Variants in PICK1 observed in about 807,000 individuals in gnomAD.
The protein encoded by PICK1 is PRKCA-binding protein.
Under a neutral mutation model 48.9 loss-of-function variants are expected in PICK1, and 23 were observed. The ratio of observed to expected loss-of-function variants is 0.47; its 90% CI spans 0.34 to 0.67. PICK1 has a LOEUF of 0.67. Ranked by LOEUF, PICK1 falls within the 30% of genes least tolerant of loss-of-function variation. The pLI, the probability that PICK1 is intolerant of heterozygous loss-of-function variation, is 0.01. For missense variants in PICK1, 423 were observed against 557.1 expected, an observed-to-expected ratio of 0.76 and a Z score of 2.42; for synonymous variants, 217 against 228.2, an observed-to-expected ratio of 0.95 and a Z score of 0.44.
intron 8 of PICK1, 25 bp from the exon 9 acceptor site, chr22:38,072,452 C>T (rs1215135140): frequency 2.5e-6 from 4 of 1,608,232 alleles, no homozygotes; most frequent in Non-Finnish European, 3.4e-6. Context: ...GTAGGGGCAG[C>T]CTTCAAGGCA....
In PICK1 at chr22:38,069,072, G is replaced by C. The variant is rs1172240986; in HGVS notation, c.389G>C (p.Ser130Thr). 1 of 1,613,242 alleles carries C rather than the reference G, an allele frequency of 6.2e-7. No individual in the cohort carries two copies. Among genetic ancestry groups the C allele is most frequent in the South Asian group, 1.1e-5 (1 of 90,856 alleles). The change falls in exon 6 of 13, where the codon AGT becomes ACT. Residue 130 changes from serine (S) to threonine (T), a missense_variant. By Grantham distance (58) the Ser-to-Thr change is moderately conservative (BLOSUM62 1). Around this residue, in one of 2 missense-constraint regions of PICK1, gnomAD observed 279 missense variants for 417.8 expected, o/e 0.67. Coordinates refer to ENST00000356976, the MANE Select transcript of PICK1 (RefSeq NM_012407.4). ...KVKHRLVENM[S>T]SGTADALGLS... ...AAGCACCGGCTGGTGGAGAACATGA[G>C]TTCAGGGACCGCAGATGCTCTGGGC...
In PICK1 at chr22:38,074,148, T is replaced by C; in HGVS notation, c.835-159T>C. ...ATTGAATGTGGCAGAGGTTTGGGTT[T>C]GGTTTTTTCCTCTCTTCAAAGCTAT... On this transcript the variant is annotated intron_variant, in intron 11 of 12. Coordinates refer to ENST00000356976, the MANE Select transcript of PICK1 (RefSeq NM_012407.4). This position sits in a 1 kb window ranked among gnomAD's most constrained non-coding sequence, Gnocchi z 4.5. 2.4e-6 allele frequency: 2 copies of C among 828,642 alleles called. No individual in the cohort carries two copies. Among genetic ancestry groups the C allele is most frequent in the Non-Finnish European group, 3.8e-6 (2 of 530,158 alleles). The allele number at this position is 828,642 out of a possible 1,614,324, so 51.3% of individuals were successfully genotyped here.
chr22:38,065,227 C>T, intron 4 of PICK1, 97 bp downstream of exon 4: 1 of 1,213,876 alleles, frequency 8.2e-7, no homozygotes, highest in Non-Finnish European at 1.2e-6. Context: ...AAGGGGGTAT[C>T]AGCCCTCACC....
Position 38,066,575 on chromosome 22 carries a change from A to C in PICK1, c.283-1129A>C, listed in dbSNP as rs1251947579. On this transcript the variant is annotated intron_variant, in intron 4 of 12. Coordinates refer to ENST00000356976, the MANE Select transcript of PICK1 (RefSeq NM_012407.4). The surrounding 1 kb of genome is among the most constrained non-coding windows in gnomAD (Gnocchi z 4.1). ...GACCTGCTTGTGGTCACACAGCTGA[A>C]CTGGAGCCCGGGCCCGACTCCCACT... 6.6e-6 allele frequency among the ~76,000 whole-genome samples: 1 copy of C among 152,174 alleles called. No individual in the cohort carries two copies. Among genetic ancestry groups the C allele is most frequent in the Admixed American group, 6.5e-5 (1 of 15,280 alleles).
At chr22:38,068,946 G>A in intron 5 of PICK1, 87 bp from the exon 6 acceptor site, 2 of 1,092,324 alleles carry the variant, frequency 1.8e-6, no homozygotes, top group Non-Finnish European at 2.8e-6. Flanking sequence ...CCCCTGTGGG[G>A]TGCTCCCTGT....
intron 9 of PICK1, 127 bp from the exon 10 acceptor site, chr22:38,072,873 G>T (rs2085736097): frequency 1.2e-6 from 1 of 839,282 alleles, no homozygotes; most frequent in South Asian, 1.3e-5. Flanking sequence ...GAGGGACAAG[G>T]CATCAGGGAG....
intron 3 of PICK1, among the ~76,000 whole-genome samples, 155 bp downstream of exon 3, chr22:38,059,500 G>T (rs1367321246): frequency 6.6e-6 from 1 of 152,190 alleles, no homozygotes; most frequent in Non-Finnish European, 1.5e-5. Flanking sequence ...GCGTTGCTCT[G>T]CCCTGTCTTC....
At position 38,074,978 on chromosome 22, in the gene PICK1, C is replaced by T. The variant is rs779602161; in HGVS notation, c.1094C>T (p.Ala365Val). ...ADVFPIEVDL[A>V]HTTLAYGLNQ... ...GTCTTCCCCATCGAGGTAGACCTGG[C>T]GCACACCACATTGGCCTATGGCCTC... is the stretch of plus-strand genomic sequence containing the variant. The change falls in exon 13 of 13, where the codon GCG (alanine) becomes GTG (valine). Residue 365 changes from alanine to valine, a missense_variant. By Grantham distance (64) the Ala-to-Val change is moderately conservative (BLOSUM62 0). Around this residue, in one of 2 missense-constraint regions of PICK1, gnomAD observed 144 missense variants for 139.3 expected, o/e 1.03. Transcript: ENST00000356976. This position sits in a 1 kb window ranked among gnomAD's most constrained non-coding sequence, Gnocchi z 4.5. 6.2e-6 allele frequency: 10 copies of T among 1,613,598 alleles called. No individual in the cohort carries two copies. The Middle Eastern group carries it at 4.9e-4, about 80-fold the overall frequency.
intron 2 of PICK1, 134 bp downstream of exon 2, chr22:38,057,984 G>A (rs1486628095): frequency 3.9e-6 from 3 of 759,674 alleles, no homozygotes; most frequent in African/African-American, 1.7e-5. Flanking sequence ...AATGGACCCT[G>A]CTCTCCCAGG....
At chr22:38,067,942 C>T in intron 5 of PICK1, 172 bp downstream of exon 5, 1 of 698,630 alleles carries the variant, frequency 1.4e-6, no homozygotes, top group Non-Finnish European at 2.7e-6. Context: ...CCTGGGAGGC[C>T]TCCCGGTGCT....
Position 38,074,932 on chromosome 22 carries a change from G to A in PICK1, c.1048G>A (p.Ala350Thr), listed in dbSNP as rs766481418. Reference sequence around the variant, plus strand: ...GTCCAAGTACTACAACGACTGCTACGCAGTGCTGCGGGATGCCGACGTCTT... The same window carrying A: ...GTCCAAGTACTACAACGACTGCTACACAGTGCTGCGGGATGCCGACGTCTT... ...TMSKYYNDCY[A>T]VLRDADVFPI... Residue 350 changes from alanine (A) to threonine (T), a missense_variant, in exon 13 of 13, where the codon GCA becomes ACA. By Grantham distance (58) the Ala-to-Thr change is moderately conservative. Transcript: ENST00000356976. This position sits in a 1 kb window ranked among gnomAD's most constrained non-coding sequence, Gnocchi z 4.5. The A allele has an allele frequency of 1.2e-6, 2 of 1,613,688 alleles. No homozygotes were observed. Among genetic ancestry groups the A allele is most frequent in the Non-Finnish European group, 1.7e-6 (2 of 1,180,038 alleles).
Position 38,067,652 on chromosome 22 carries a change from G to A in PICK1, c.283-52G>A, listed in dbSNP as rs377196814. The A allele has an allele frequency of 2.3e-4, 344 of 1,517,420 alleles. 4 individuals are homozygous for A. In the South Asian group the frequency reaches 3.3e-3, roughly 15 times the overall value. The allele number at this position is 1,517,420 out of a possible 1,614,324, so 94.0% of individuals were successfully genotyped here. ...GTCCAGAACAGTCTTGGCTGGGAAGGGGCTCAGGGTGTGGAGCCTCGCTCA... is the reference window on the plus strand; with the variant it reads ...GTCCAGAACAGTCTTGGCTGGGAAGAGGCTCAGGGTGTGGAGCCTCGCTCA... On this transcript the variant is annotated intron_variant, in intron 4 of 12. Coordinates refer to ENST00000356976, the MANE Select transcript of PICK1 (RefSeq NM_012407.4).
chr22:38,058,629 A>G (rs985374436), intron 2 of PICK1, among the ~76,000 whole-genome samples: 1 of 152,264 alleles, frequency 6.6e-6, no homozygotes. Flanking sequence ...CCCTCCATGC[A>G]TGGTTAGAAG....
intron 9 of PICK1, 53 bp downstream of exon 9, chr22:38,072,663 A>G: frequency 6.2e-7 from 1 of 1,605,046 alleles, no homozygotes; most frequent in Non-Finnish European, 8.5e-7. Flanking sequence ...GGGAGGGGAG[A>G]GTGTGGCATG....
chr22:38,063,195 C>T (rs931112684), intron 3 of PICK1, among the ~76,000 whole-genome samples: 16 of 150,910 alleles, frequency 1.1e-4, no homozygotes, highest in East Asian at 3.9e-4. Flanking sequence ...CTTGCTCTGT[C>T]GCCCAGGCTG....
chr22:38,063,259 C>T (rs2085448845), intron 3 of PICK1, among the ~76,000 whole-genome samples: 2 of 151,766 alleles, frequency 1.3e-5, no homozygotes, highest in African/African-American at 2.4e-5. Context: ...TGGGCTCAAG[C>T]GATCCTCCCA....
Position 38,067,700 on chromosome 22 carries a change from C to G in PICK1, c.283-4C>G. The stretch of plus-strand genomic sequence containing the variant: ...TCACTAGTCTGTGTGTGCTGCTCTT[C>G]CAGGGGGAGGTGACCATCCACTACA... On this transcript the variant is annotated splice_polypyrimidine_tract_variant and splice_region_variant and intron_variant, in intron 4 of 12. Transcript: ENST00000356976. 1 of 1,613,450 alleles carries G rather than the reference C, an allele frequency of 6.2e-7. No individual in the cohort carries two copies. The highest frequency in any genetic ancestry group is 2.2e-5 in the East Asian group (1 of 44,860).
chr22:38,067,170 C>T (rs553072942), intron 4 of PICK1, among the ~76,000 whole-genome samples: 4 of 152,238 alleles, frequency 2.6e-5, no homozygotes, highest in South Asian at 2.1e-4. Context: ...AGGCTGTGGG[C>T]CCGGTGCCGG....
At chr22:38,057,627 C>G (rs2085302296) in intron 1 of PICK1, 40 bp downstream of exon 1, 1 of 514,200 alleles carries the variant, frequency 1.9e-6, no homozygotes, top group Non-Finnish European at 3.3e-6. Context: ...GGAGACTGTC[C>G]CATCCCACTC....
Sources: gnomAD v4.1 joint callset for allele counts (sites outside exome capture counted in the v4.1 genomes callset) on GRCh38, gnomAD v4.1.1 for gene constraint, gnomAD v4.1.1 regional missense constraint, Gnocchi (gnomAD v3.1) non-coding constraint, MANE v1.5 for transcripts, NCBI Gene and HGNC (gene_info 2026-07-23, HGNC 2026-07-21) for gene names.